SLC26A3: variants seen among roughly 807,000 people sequenced by gnomAD.
SLC26A3 encodes the protein solute carrier family 26 member 3.
In SLC26A3, 64 loss-of-function variants were observed where a neutral mutation model predicts 85.6. The ratio of observed to expected loss-of-function variants is 0.75; its 90% CI spans 0.61 to 0.92. The LOEUF (loss-of-function observed/expected upper bound fraction) is 0.92. SLC26A3 is among the 40% of genes least tolerant of loss of function. The pLI, the probability that SLC26A3 is intolerant of heterozygous loss-of-function variation, is 0.00. For synonymous variants in SLC26A3, 349 were observed against 336.0 expected, an observed-to-expected ratio of 1.04 and a Z score of -0.42; for missense variants, 922 against 927.3, an observed-to-expected ratio of 0.99 and a Z score of 0.07.
At chr7:107,776,871 T>A in intron 13 of SLC26A3, 165 bp from the exon 14 acceptor site, 1 of 691,488 alleles carries the variant, frequency 1.4e-6, no homozygotes, top group Non-Finnish European at 2.6e-6. Flanking sequence ...CACCTTGTTT[T>A]ACTTATCTTT....
At chr7:107,790,405 G>A (rs563701750) in intron 5 of SLC26A3, among the ~76,000 whole-genome samples, 48 of 152,246 alleles carry the variant, frequency 3.2e-4, no homozygotes, top group African/African-American at 1.1e-3. Context: ...TCAATAAGAC[G>A]CATGCTTATG....
At chr7:107,796,818 C>T (rs1794509987) in intron 1 of SLC26A3, among the ~76,000 whole-genome samples, 1 of 151,528 alleles carries the variant, frequency 6.6e-6, no homozygotes, top group Non-Finnish European at 1.5e-5. Flanking sequence ...ATTTGTACTT[C>T]TGTCAGATGC....
chr7:107,775,019 T>G, intron 15 of SLC26A3, 147 bp from the exon 16 acceptor site: 1 of 716,728 alleles, frequency 1.4e-6, no homozygotes, highest in East Asian at 2.7e-5. Flanking sequence ...GTTTAAACAA[T>G]ATCAGCCAGA....
At chr7:107,776,754 G>A (rs1334909064) in intron 13 of SLC26A3, 48 bp from the exon 14 acceptor site, 1 of 1,543,056 alleles carries the variant, frequency 6.5e-7, no homozygotes, top group South Asian at 1.1e-5. Context: ...TGTTTGTTAA[G>A]CCTATAAGGC....
intron 3 of SLC26A3, 88 bp from the exon 4 acceptor site, chr7:107,792,028 A>T: frequency 1.3e-6 from 1 of 797,244 alleles, no homozygotes; most frequent in Non-Finnish European, 2.2e-6. Context: ...TTAGAATTGG[A>T]TCCTAAAAAT....
At chr7:107,775,273 A>G (rs1794091711) in intron 15 of SLC26A3, among the ~76,000 whole-genome samples, 1 of 152,136 alleles carries the variant, frequency 6.6e-6, no homozygotes, top group African/African-American at 2.4e-5. Flanking sequence ...TTATCTTATT[A>G]AAATTTATAA....
In SLC26A3 at chr7:107,783,185, A is replaced by C. The variant is rs377165259; in HGVS notation, c.1119+20T>G. Reference sequence around the variant, plus strand: ...TATTTAAAGTTGCCCAGTGAGACCCAGTGTAGTTTGTTTACTTACCTGATT... The same window carrying C: ...TATTTAAAGTTGCCCAGTGAGACCCCGTGTAGTTTGTTTACTTACCTGATT... On this transcript the variant is annotated intron_variant, in intron 9 of 20. Coordinates refer to ENST00000340010, the MANE Select transcript of SLC26A3 (RefSeq NM_000111.3). The C allele has an allele frequency of 3.5e-5, 57 of 1,614,158 alleles. No individual in the cohort carries two copies. In the African/African-American group the frequency reaches 6.9e-4, roughly 20 times the overall value.
chr7:107,767,138 T>C (rs1053938779), intron 20 of SLC26A3, among the ~76,000 whole-genome samples: 13 of 152,134 alleles, frequency 8.5e-5, no homozygotes, highest in African/African-American at 3.1e-4. Flanking sequence ...TAGAAACTTG[T>C]TTCATTGCTT....
chr7:107,786,913 C>T lies in SLC26A3; in HGVS notation c.889-4G>A, dbSNP rs1219084312. 1 of 1,613,250 alleles carries T rather than the reference C, an allele frequency of 6.2e-7. No individual in the cohort carries two copies. ...ATACACCTGCTGCAATCACGGTCTG[C>T]AAAGTTGCAAATGGCCCAAGTTAGA... On this transcript the variant is annotated splice_region_variant and splice_polypyrimidine_tract_variant and intron_variant, in intron 7 of 20. Transcript: ENST00000340010.
At chr7:107,788,311 CTA>C (rs1324511623) in intron 6 of SLC26A3, among the ~76,000 whole-genome samples, 1 of 152,138 alleles carries the variant, frequency 6.6e-6, no homozygotes, top group Non-Finnish European at 1.5e-5. Flanking sequence ...AAAAAATAAT[CTA>C]TGTTATTAAA....
At chr7:107,769,690 C>T (rs1044648227) in intron 18 of SLC26A3, among the ~76,000 whole-genome samples, 1 of 152,118 alleles carries the variant, frequency 6.6e-6, no homozygotes, top group Admixed American at 6.5e-5. Context: ...ACGAGTTTAC[C>T]TATGTAACAA....
intron 12 of SLC26A3, among the ~76,000 whole-genome samples, chr7:107,779,347 G>A (rs867106312): frequency 5.9e-5 from 9 of 152,124 alleles, no homozygotes; most frequent in Non-Finnish European, 8.8e-5. Flanking sequence ...GAAGCCATGC[G>A]TACCCTAAAT....
chr7:107,783,023 AG>A lies in SLC26A3; in HGVS notation c.1189del (p.Leu397SerfsTer26). On this transcript the variant is annotated frameshift_variant, in exon 10 of 21. Transcript: ENST00000340010. LOFTEE classifies it high-confidence loss of function. ...VFRGFAGSTA[L>X]SRSAVQESTG... is the part of the protein sequence containing the mutation. ...GCTCTCCTGAACTGCTGATCTGGAG[AG>A]GGCAGTACTCCCAGCAAATCCTCTG... The A allele has an allele frequency of 6.2e-7, 1 of 1,614,176 alleles. No homozygotes were observed. Among genetic ancestry groups the A allele is most frequent in the Non-Finnish European group, 8.5e-7 (1 of 1,180,012 alleles).
intron 18 of SLC26A3, among the ~76,000 whole-genome samples, chr7:107,770,782 A>G (rs1794016583): frequency 6.6e-6 from 1 of 152,216 alleles, no homozygotes; most frequent in South Asian, 2.1e-4. Context: ...GGGAAGAGAC[A>G]GGAAGAAGGT....
In SLC26A3 at chr7:107,787,447, C is replaced by G; in HGVS notation, c.798G>C (p.Leu266=). ...CAATGGATACAACCAAAAGGACAATCAGAGCTGTCACCAGGTCTGCAATAT... is the reference window on the plus strand; with the variant it reads ...CAATGGATACAACCAAAAGGACAATGAGAGCTGTCACCAGGTCTGCAATAT... ...KTNIADLVTA[L]IVLLVVSIVK... The change falls in exon 7 of 21, where the codon CTG becomes CTC. Residue 266 remains leucine (L), a synonymous_variant. Transcript: ENST00000340010. 1 of 1,613,898 alleles carries G rather than the reference C, an allele frequency of 6.2e-7. No homozygotes were observed. The highest frequency in any genetic ancestry group is 8.5e-7 in the Non-Finnish European group (1 of 1,179,832).
At chr7:107,776,358 A>G in intron 15 of SLC26A3, 94 bp downstream of exon 15, 1 of 1,052,058 alleles carries the variant, frequency 9.5e-7, no homozygotes, top group South Asian at 1.3e-5. Context: ...CATATGTGAC[A>G]CAACCCAGTC....
chr7:107,771,445 T>G (rs992688607), intron 18 of SLC26A3, among the ~76,000 whole-genome samples: 4 of 152,096 alleles, frequency 2.6e-5, no homozygotes, highest in African/African-American at 9.7e-5. Context: ...AACTATGGTA[T>G]AGAGTGTACG....
intron 1 of SLC26A3, among the ~76,000 whole-genome samples, chr7:107,795,204 G>A (rs1278931757): frequency 6.6e-6 from 1 of 152,118 alleles, no homozygotes; most frequent in East Asian, 1.9e-4. Flanking sequence ...GAATGATCCT[G>A]GGCAAGTTCC....
chr7:107,787,009 A>G (rs1443543445), intron 7 of SLC26A3, 100 bp from the exon 8 acceptor site: 3 of 978,288 alleles, frequency 3.1e-6, no homozygotes, highest in Non-Finnish European at 4.9e-6. Flanking sequence ...TGTACCTGTT[A>G]AGTAAGAACT....
Sources: gnomAD v4.1 joint callset for allele counts (sites outside exome capture counted in the v4.1 genomes callset) on GRCh38, gnomAD v4.1.1 for gene constraint, MANE v1.5 for transcripts, NCBI Gene and HGNC (gene_info 2026-07-23, HGNC 2026-07-21) for gene names.